The following ZNF354B variants were observed in gnomAD, a reference collection of about 807,000 sequenced individuals.
ZNF354B encodes zinc finger protein 354B.
Under a neutral mutation model 12.9 loss-of-function variants are expected in ZNF354B, and 10 were observed. The observed-to-expected ratio is 0.77, with a 90% CI of 0.48 to 1.31. The LOEUF is 1.31. ZNF354B is among the 40% of genes most tolerant of loss of function. ZNF354B has a pLI of 0.00. For missense variants in ZNF354B, 614 were observed against 711.7 expected (o/e 0.86, Z 1.56); for synonymous variants, 260 against 243.7 (o/e 1.07, Z -0.62).
intron 3 of ZNF354B, 40 bp from the exon 4 acceptor site, chr5:178,866,936 G>A (rs11955047): frequency 0.12 from 186,076 of 1,593,520 alleles, 12,360 homozygotes; most frequent in African/African-American, 0.26. Context: ...GTGTCAAAAC[G>A]AAGACTGAGA....
intron 4 of ZNF354B, among the ~76,000 whole-genome samples, chr5:178,880,079 TC>T (rs1757695622): frequency 6.6e-6 from 1 of 152,120 alleles, no homozygotes; most frequent in African/African-American, 2.4e-5. Flanking sequence ...TGAGCTGAGA[TC>T]ACGTCACCGC....
At position 178,883,373 on chromosome 5, in the gene ZNF354B, C is replaced by T. The variant is rs1757751515; in HGVS notation, c.921C>T (p.Phe307=). 1.2e-6 allele frequency: 2 copies of T among 1,613,914 alleles called. No homozygotes were observed. Among genetic ancestry groups the T allele is most frequent in the African/African-American group, 2.7e-5 (2 of 74,890 alleles). ...GATGTAAAGAATGTGGTAAATCCTTCAGTCGAAGGTCTGGGCTTTTTATAC... is the reference window on the plus strand; with the variant it reads ...GATGTAAAGAATGTGGTAAATCCTTTAGTCGAAGGTCTGGGCTTTTTATAC... The part of the protein sequence containing the change: ...CYRCKECGKS[F]SRRSGLFIHQ... Residue 307 remains phenylalanine (F), a synonymous_variant, in exon 5 of 5, where the codon TTC becomes TTT. Transcript: ENST00000322434.
chr5:178,878,190 T>C (rs1364899129), intron 4 of ZNF354B, among the ~76,000 whole-genome samples: 2 of 152,056 alleles, frequency 1.3e-5, no homozygotes, highest in African/African-American at 2.4e-5. Context: ...GAGACCATCC[T>C]GGCTAACATG....
At chr5:178,869,464 C>A (rs1429875112) in intron 4 of ZNF354B, among the ~76,000 whole-genome samples, 1 of 152,014 alleles carries the variant, frequency 6.6e-6, no homozygotes, top group Non-Finnish European at 1.5e-5. Flanking sequence ...CAGCAGGGAA[C>A]CAGGTGAGAT....
chr5:178,868,193 G>T (rs182321884), intron 4 of ZNF354B, among the ~76,000 whole-genome samples: 28 of 151,238 alleles, frequency 1.9e-4, no homozygotes, highest in African/African-American at 6.6e-4. Flanking sequence ...CTCAAGGGAG[G>T]TCAGGGAGCC....
intron 2 of ZNF354B, among the ~76,000 whole-genome samples, chr5:178,861,617 G>A (rs1305516559): frequency 6.6e-6 from 1 of 152,170 alleles, no homozygotes; most frequent in Admixed American, 6.5e-5. Flanking sequence ...ACCCTTTCTA[G>A]TTGAGACGAG....
chr5:178,877,568 G>C (rs529420775), intron 4 of ZNF354B, among the ~76,000 whole-genome samples: 1 of 152,306 alleles, frequency 6.6e-6, no homozygotes, highest in African/African-American at 2.4e-5. Context: ...AGCCACATCA[G>C]GTCAGTGGGG....
At position 178,884,364 on chromosome 5, in the gene ZNF354B, ACT is replaced by A; in HGVS notation, c.*76_*77del. 6.9e-7 allele frequency: 1 copy of A among 1,446,694 alleles called. No individual in the cohort carries two copies. Among genetic ancestry groups the A allele is most frequent in the Non-Finnish European group, 9.3e-7 (1 of 1,077,354 alleles). 89.6% of individuals were successfully genotyped at this position (1,446,694 alleles called of 1,614,324 possible). On this transcript the variant is annotated 3_prime_UTR_variant, in exon 5 of 5. Transcript: ENST00000322434. ...TATTAAATATAATGAATATGAGAAA[ACT>A]CTTAGTTCTCATCAGATACTAAGTT...
At chr5:178,869,786 G>C (rs1362594991) in intron 4 of ZNF354B, among the ~76,000 whole-genome samples, 1 of 152,120 alleles carries the variant, frequency 6.6e-6, no homozygotes, top group Admixed American at 6.5e-5. Flanking sequence ...GATTGCTCTT[G>C]GTGGGATGAC....
At chr5:178,864,551 A>T (rs1208851213) in intron 2 of ZNF354B, among the ~76,000 whole-genome samples, 6 of 152,118 alleles carry the variant, frequency 3.9e-5, no homozygotes, top group African/African-American at 1.4e-4. Context: ...AATCACCCTT[A>T]ACCCCACCAT....
chr5:178,876,926 C>G (rs577517897), intron 4 of ZNF354B, among the ~76,000 whole-genome samples: 58 of 124,500 alleles, frequency 4.7e-4, no homozygotes, highest in African/African-American at 1.5e-3. Context: ...TTTTTTTATG[C>G]CTTTTTTTTT....
At chr5:178,881,424 C>T (rs1757716501) in intron 4 of ZNF354B, among the ~76,000 whole-genome samples, 2 of 152,142 alleles carry the variant, frequency 1.3e-5, no homozygotes, top group African/African-American at 4.8e-5. Flanking sequence ...AATGCACTGA[C>T]ATTTGTATAA....
intron 4 of ZNF354B, among the ~76,000 whole-genome samples, chr5:178,877,412 G>T (rs994567815): frequency 6.6e-6 from 1 of 152,142 alleles, no homozygotes; most frequent in African/African-American, 2.4e-5. Flanking sequence ...CAAGTGATCC[G>T]CCCACCTCAG....
chr5:178,862,360 A>G, intron 2 of ZNF354B, among the ~76,000 whole-genome samples: 1 of 116,234 alleles, frequency 8.6e-6, no homozygotes, highest in African/African-American at 3.7e-5. Context: ...GCGTGGCATT[A>G]TCTTTTTTTT....
intron 4 of ZNF354B, 61 bp downstream of exon 4, chr5:178,867,132 G>A: frequency 5.4e-6 from 8 of 1,475,132 alleles, no homozygotes; most frequent in Non-Finnish European, 7.6e-6. Context: ...TTAATGAGAG[G>A]AGGTAGGAAC....
chr5:178,862,241 A>C (rs896097227), intron 2 of ZNF354B, among the ~76,000 whole-genome samples: 9 of 152,162 alleles, frequency 5.9e-5, no homozygotes, highest in Admixed American at 4.6e-4. Flanking sequence ...ACCTGAGTAC[A>C]GTCCAAGTAT....
intron 4 of ZNF354B, among the ~76,000 whole-genome samples, chr5:178,869,491 T>C (rs138470428): frequency 1.1e-3 from 167 of 152,256 alleles, no homozygotes; most frequent in African/African-American, 3.9e-3. Context: ...GGGGCGTCAG[T>C]CTGGCCATTA....
intron 4 of ZNF354B, among the ~76,000 whole-genome samples, chr5:178,873,119 T>C (rs1308783283): frequency 6.6e-6 from 1 of 152,180 alleles, no homozygotes; most frequent in East Asian, 1.9e-4. Flanking sequence ...TGTCTGGGTA[T>C]TTTGTTCATT....
At chr5:178,862,525 C>T (rs1757375129) in intron 2 of ZNF354B, among the ~76,000 whole-genome samples, 1 of 152,088 alleles carries the variant, frequency 6.6e-6, no homozygotes, top group Non-Finnish European at 1.5e-5. Flanking sequence ...TGCCACCACG[C>T]CCGGCTAATT....
Sources: allele counts gnomAD v4.1 joint callset (sites outside exome capture counted in the v4.1 genomes callset), GRCh38; gene constraint gnomAD v4.1.1; transcripts MANE v1.5; gene names NCBI Gene and HGNC (gene_info 2026-07-23, HGNC 2026-07-21).